The following MACROD2 variants were observed in gnomAD, a reference collection of about 807,000 sequenced individuals.
The protein encoded by MACROD2 is ADP-ribose glycohydrolase MACROD2.
In MACROD2, 36 loss-of-function variants were observed where a neutral mutation model predicts 70.4. The observed-to-expected ratio is 0.51, with a 90% confidence interval of 0.39 to 0.68. MACROD2 has a LOEUF of 0.68. Ranked by LOEUF, MACROD2 falls within the 30% of genes least tolerant of loss-of-function variation. The pLI is 0.00. For missense variants in MACROD2, 496 were observed against 538.4 expected (o/e 0.92, Z 0.78); for synonymous variants, 172 against 178.8 (o/e 0.96, Z 0.30).
intron 5 of MACROD2, among the ~76,000 whole-genome samples, chr20:14,705,266 T>A (rs2071255860): frequency 6.6e-6 from 1 of 152,158 alleles, no homozygotes; most frequent in Admixed American, 6.5e-5. Context: ...TACATTCATG[T>A]TCGTACTTTT....
At chr20:15,266,213 ACTAC>A (rs1376185567) in intron 6 of MACROD2, among the ~76,000 whole-genome samples, 3 of 152,262 alleles carry the variant, frequency 2.0e-5, no homozygotes, top group African/African-American at 7.2e-5. Context: ...TAAACACAGT[ACTAC>A]ATGTTCATGT....
chr20:15,144,753 T>C (rs2145852093), intron 5 of MACROD2, among the ~76,000 whole-genome samples: 1 of 152,322 alleles, frequency 6.6e-6, no homozygotes, highest in East Asian at 1.9e-4. Context: ...TGATGAACTT[T>C]TGGCAACATT....
intron 3 of MACROD2, among the ~76,000 whole-genome samples, chr20:14,418,759 A>G (rs1005198996): frequency 3.3e-5 from 5 of 152,200 alleles, no homozygotes; most frequent in African/African-American, 1.2e-4. Flanking sequence ...ATTCTTTCAG[A>G]AGAGATGTTT....
chr20:14,646,697 A>G (rs1372525612), intron 4 of MACROD2, among the ~76,000 whole-genome samples: 2 of 152,064 alleles, frequency 1.3e-5, no homozygotes, highest in African/African-American at 4.8e-5. Flanking sequence ...TTATGTTTGC[A>G]TTGTTTATTT....
At chr20:15,841,695 A>G (rs2064172583) in intron 8 of MACROD2, among the ~76,000 whole-genome samples, 1 of 152,110 alleles carries the variant, frequency 6.6e-6, no homozygotes, top group Non-Finnish European at 1.5e-5. Context: ...TTACAATGCA[A>G]TGTAAGATGT....
chr20:15,786,498 C>T (rs549954985), intron 8 of MACROD2, among the ~76,000 whole-genome samples: 1 of 152,176 alleles, frequency 6.6e-6, no homozygotes, highest in South Asian at 2.1e-4. Context: ...ATTATAGTAT[C>T]TGATGCCAGA....
intron 8 of MACROD2, among the ~76,000 whole-genome samples, chr20:15,679,761 C>T (rs1443718397): frequency 6.6e-6 from 1 of 152,104 alleles, no homozygotes; most frequent in Non-Finnish European, 1.5e-5. Context: ...AAAATTGGGG[C>T]TCCAGACAGA....
intron 4 of MACROD2, among the ~76,000 whole-genome samples, chr20:14,603,471 A>G (rs1237125489): frequency 6.6e-6 from 1 of 152,190 alleles, no homozygotes; most frequent in Non-Finnish European, 1.5e-5. Context: ...ATGCTCATGT[A>G]TAGAGATTGA....
chr20:15,473,041 C>T (rs946305124), intron 7 of MACROD2, among the ~76,000 whole-genome samples: 1 of 152,134 alleles, frequency 6.6e-6, no homozygotes, highest in African/African-American at 2.4e-5. Flanking sequence ...TAATAGAAAA[C>T]AATAGCAAGA....
At chr20:15,577,774 C>T (rs1378606621) in intron 8 of MACROD2, among the ~76,000 whole-genome samples, 1 of 152,166 alleles carries the variant, frequency 6.6e-6, no homozygotes, top group Non-Finnish European at 1.5e-5. Flanking sequence ...CATAAGAGTA[C>T]ATGTGCTTCC....
chr20:14,705,642 C>A (rs780803124), intron 5 of MACROD2, among the ~76,000 whole-genome samples: 6 of 152,108 alleles, frequency 3.9e-5, no homozygotes, highest in Admixed American at 1.3e-4. Flanking sequence ...GTTTTCAGAA[C>A]CTTTTGACTA....
intron 8 of MACROD2, among the ~76,000 whole-genome samples, chr20:15,745,812 A>G (rs1185157151): frequency 6.6e-6 from 1 of 152,102 alleles, no homozygotes; most frequent in Non-Finnish European, 1.5e-5. Context: ...GAAAAGACTG[A>G]CCTTTCCCCA....
At chr20:14,583,093 C>T (rs1981148683) in intron 4 of MACROD2, among the ~76,000 whole-genome samples, 1 of 152,190 alleles carries the variant, frequency 6.6e-6, no homozygotes, top group African/African-American at 2.4e-5. Flanking sequence ...AGATGACTCT[C>T]ATGTCTTGTG....
At chr20:14,860,211 A>G (rs779961659) in intron 5 of MACROD2, among the ~76,000 whole-genome samples, 68 of 152,178 alleles carry the variant, frequency 4.5e-4, no homozygotes, top group Non-Finnish European at 7.8e-4. Flanking sequence ...ATTTCTGAAT[A>G]TGGCCTCAAA....
intron 8 of MACROD2, among the ~76,000 whole-genome samples, chr20:15,583,598 G>A (rs988979383): frequency 1.3e-5 from 2 of 152,122 alleles, no homozygotes; most frequent in Non-Finnish European, 2.9e-5. Context: ...GCTCCAAGAA[G>A]TGTTCTGTTT....
intron 5 of MACROD2, among the ~76,000 whole-genome samples, chr20:15,158,328 A>T (rs2076323539): frequency 6.6e-6 from 1 of 152,208 alleles, no homozygotes; most frequent in African/African-American, 2.4e-5. Flanking sequence ...TAGTAATAAT[A>T]ATAGCAATCA....
At chr20:15,902,543 A>G (rs1172609238) in intron 10 of MACROD2, among the ~76,000 whole-genome samples, 1 of 152,122 alleles carries the variant, frequency 6.6e-6, no homozygotes. Flanking sequence ...GGACAGTAGC[A>G]TATCTTGAGG....
chr20:14,570,617 G>A (rs775866934), intron 4 of MACROD2, among the ~76,000 whole-genome samples: 4 of 151,796 alleles, frequency 2.6e-5, no homozygotes, highest in Non-Finnish European at 4.4e-5. Context: ...TGAAAATTTG[G>A]GAGTCAAAGT....
At chr20:15,319,899 G>C (rs2077854835) in intron 6 of MACROD2, among the ~76,000 whole-genome samples, 1 of 152,192 alleles carries the variant, frequency 6.6e-6, no homozygotes, top group African/African-American at 2.4e-5. Flanking sequence ...GAAATATCTA[G>C]AATTGGTAAA....
Sources: allele counts gnomAD v4.1 joint callset (sites outside exome capture counted in the v4.1 genomes callset), GRCh38; gene constraint gnomAD v4.1.1; transcripts MANE v1.5; gene names NCBI Gene and HGNC (gene_info 2026-07-23, HGNC 2026-07-21).